Variants in CUBN observed in about 807,000 individuals in gnomAD.
CUBN encodes the protein 460 kDa receptor.
In CUBN, 282 loss-of-function variants were observed where a neutral mutation model predicts 405.3. That is an observed-to-expected ratio of 0.70 (90% CI 0.63 to 0.77). CUBN has a LOEUF of 0.77. Among genes scored for constraint, CUBN ranks in the 30% least tolerant of loss-of-function variants. The pLI, the probability that CUBN is intolerant of heterozygous loss-of-function variation, is 0.00. For synonymous variants in CUBN, 1,684 were observed against 1,617.0 expected, an observed-to-expected ratio of 1.04 and a Z score of -0.99; for missense variants, 4,514 against 4,475.2, an observed-to-expected ratio of 1.01 and a Z score of -0.25.
chr10:16,915,238 G>T, intron 46 of CUBN, 66 bp from the exon 47 acceptor site: 2 of 1,588,600 alleles, frequency 1.3e-6, no homozygotes, highest in Non-Finnish European at 1.7e-6. Context: ...TCTATTCAAG[G>T]TGTCCTGTGT....
At chr10:16,997,454 G>A (rs1359148198) in intron 28 of CUBN, among the ~76,000 whole-genome samples, 1 of 143,766 alleles carries the variant, frequency 7.0e-6, no homozygotes, top group Admixed American at 6.9e-5. Flanking sequence ...AAAAAAGGCA[G>A]CTTGTGGAGG....
chr10:17,058,318 A>G (rs1835436324), intron 22 of CUBN, among the ~76,000 whole-genome samples: 1 of 151,964 alleles, frequency 6.6e-6, no homozygotes, highest in African/African-American at 2.4e-5. Context: ...TTGAATGGAG[A>G]GGTAGTTAAA....
chr10:16,860,477 C>T (rs1284369941), intron 59 of CUBN, among the ~76,000 whole-genome samples: 1 of 152,104 alleles, frequency 6.6e-6, no homozygotes, highest in Non-Finnish European at 1.5e-5. Context: ...TATATGGCTT[C>T]AAAATAAAAA....
At position 16,928,158 on chromosome 10, in the gene CUBN, C is replaced by T. The variant is rs766876298; in HGVS notation, c.6270G>A (p.Lys2090=). The part of the protein sequence containing the change: ...TRAGFNASFH[K]SCGGYLHADR... ...TTAAAAAATATTTGAACTCATTACT[C>T]TTGTGAAAGGATGCATTGAAGCCTG... Residue 2090 remains lysine, a splice_region_variant and synonymous_variant, in exon 41 of 67, where the codon AAG becomes AAA. Coordinates refer to ENST00000377833, the MANE Select transcript of CUBN (RefSeq NM_001081.4). The T allele has an allele frequency of 6.2e-7, 1 of 1,613,548 alleles. No homozygotes were observed. Among genetic ancestry groups the T allele is most frequent in the Non-Finnish European group, 8.5e-7 (1 of 1,179,682 alleles).
chr10:16,906,800 A>G (rs1019133339), intron 49 of CUBN, among the ~76,000 whole-genome samples: 10 of 152,200 alleles, frequency 6.6e-5, no homozygotes, highest in African/African-American at 2.4e-4. Flanking sequence ...TTTAAATCAA[A>G]CAGATAATAG....
At chr10:17,106,288 G>GA (rs150569453) in intron 10 of CUBN, among the ~76,000 whole-genome samples, 1,726 of 147,814 alleles carry the variant, frequency 0.012, 14 homozygotes, top group Non-Finnish European at 0.018. Context: ...CCATTTCCAA[G>GA]AAAAAATTTT....
At chr10:16,919,024 T>C (rs770603587) in intron 44 of CUBN, among the ~76,000 whole-genome samples, 3 of 152,268 alleles carry the variant, frequency 2.0e-5, no homozygotes, top group Non-Finnish European at 4.4e-5. Flanking sequence ...TTACATGTTC[T>C]ACATTCAAGA....
Position 16,948,594 on chromosome 10 carries a change from C to T in CUBN, c.5093G>A (p.Gly1698Asp). The change falls in exon 35 of 67, where the codon GGC becomes GAC. Residue 1698 changes from glycine (G) to aspartate (D), a missense_variant. Gly to Asp is a moderately conservative substitution (Grantham distance 94). Transcript: ENST00000377833. Reference protein sequence around the residue: ...EDAPLRGRYCGTDMPHPITSF... With the variant: ...EDAPLRGRYCDTDMPHPITSF... ...TGTGATAGGATGGGGCATGTCGGTGCCACAGTAACGGCCTAAATAATGAAG... is the reference window on the plus strand; with the variant it reads ...TGTGATAGGATGGGGCATGTCGGTGTCACAGTAACGGCCTAAATAATGAAG... 1 of 1,613,804 alleles carries T rather than the reference C, an allele frequency of 6.2e-7. No homozygotes were observed. The highest frequency in any genetic ancestry group is 1.3e-5 in the African/African-American group (1 of 74,980).
intron 54 of CUBN, among the ~76,000 whole-genome samples, chr10:16,892,492 T>TTA (rs890783535): frequency 9.2e-5 from 14 of 151,858 alleles, no homozygotes; most frequent in Admixed American, 6.6e-4. Context: ...TATATATATT[T>TTA]TATATATATA....
At chr10:16,966,885 A>C (rs1843407235) in intron 31 of CUBN, among the ~76,000 whole-genome samples, 1 of 152,208 alleles carries the variant, frequency 6.6e-6, no homozygotes, top group Non-Finnish European at 1.5e-5. Context: ...ATGGAGGTGC[A>C]AAGTGATTTT....
In CUBN at chr10:16,972,850, C is replaced by T. The variant is rs535345152; in HGVS notation, c.4695+9634G>A. Among the ~76,000 whole-genome samples the T allele has an allele frequency of 1.4e-3, 214 of 152,088 alleles. 1 individual carries two copies. The highest frequency in any genetic ancestry group is 4.9e-3 in the African/African-American group (205 of 41,496). The stretch of plus-strand genomic sequence containing the variant: ...CGTGACAGTTCTCCACGTGTCCCTG[C>T]GCTCTCCATGTGTCCCAAGACCACT... On this transcript the variant is annotated intron_variant, in intron 31 of 66. Transcript: ENST00000377833.
chr10:17,097,407 T>C (rs1836399141), intron 14 of CUBN, among the ~76,000 whole-genome samples: 1 of 152,122 alleles, frequency 6.6e-6, no homozygotes, highest in Admixed American at 6.6e-5. Context: ...AATCATAATT[T>C]AAAGCCTTCT....
intron 31 of CUBN, among the ~76,000 whole-genome samples, chr10:16,979,797 T>C (rs6602170): frequency 0.87 from 132,338 of 152,226 alleles, 58,326 homozygotes; most frequent in Non-Finnish European, 0.96. Context: ...GACTTCATGA[T>C]TTAAACACCA....
At chr10:17,047,384 G>C in intron 23 of CUBN, 30 bp downstream of exon 23, 2 of 1,497,932 alleles carry the variant, frequency 1.3e-6, no homozygotes, top group Non-Finnish European at 1.8e-6. Context: ...ATAATGAAAA[G>C]ATTATAATGA....
chr10:16,836,619 C>A (rs565843285), intron 62 of CUBN, among the ~76,000 whole-genome samples: 1 of 152,230 alleles, frequency 6.6e-6, no homozygotes, highest in South Asian at 2.1e-4. Context: ...ACAGACATTT[C>A]CCTGCTGAAA....
chr10:17,071,980 A>G lies in CUBN; in HGVS notation c.2302-9T>C. On this transcript the variant is annotated splice_polypyrimidine_tract_variant and intron_variant, in intron 17 of 66. Coordinates refer to ENST00000377833, the MANE Select transcript of CUBN (RefSeq NM_001081.4). ...GTTTCACCATCTCGAACCTAAAGAGAAAAATAAAATAGAGATGTAATTCAA... is the reference window on the plus strand; with the variant it reads ...GTTTCACCATCTCGAACCTAAAGAGGAAAATAAAATAGAGATGTAATTCAA... 2 of 1,606,842 alleles carry G rather than the reference A, an allele frequency of 1.2e-6. No homozygotes were observed. The highest frequency in any genetic ancestry group is 1.7e-6 in the Non-Finnish European group (2 of 1,175,800).
At chr10:17,010,696 G>C (rs1834156897) in intron 28 of CUBN, among the ~76,000 whole-genome samples, 1 of 152,148 alleles carries the variant, frequency 6.6e-6, no homozygotes, top group Non-Finnish European at 1.5e-5. Flanking sequence ...GGAAGGTCCA[G>C]AACTTCTACA....
chr10:17,125,229 T>A (rs944104056), intron 4 of CUBN, among the ~76,000 whole-genome samples: 1 of 152,040 alleles, frequency 6.6e-6, no homozygotes, highest in Non-Finnish European at 1.5e-5. Context: ...TATATGTGTC[T>A]ATATATATGC....
intron 28 of CUBN, among the ~76,000 whole-genome samples, chr10:17,015,106 G>A (rs1834292294): frequency 6.6e-6 from 1 of 152,204 alleles, no homozygotes; most frequent in Non-Finnish European, 1.5e-5. Context: ...TGCAGGGACT[G>A]CTGCATTTCC....
Sources: allele counts gnomAD v4.1 joint callset (sites outside exome capture counted in the v4.1 genomes callset), GRCh38; gene constraint gnomAD v4.1.1; transcripts MANE v1.5; gene names NCBI Gene and HGNC (gene_info 2026-07-23, HGNC 2026-07-21).